Variants in TAP2 observed in about 807,000 individuals in gnomAD.
TAP2 encodes the protein transporter 2, ATP binding cassette subfamily B member.
Under a neutral mutation model 74.7 loss-of-function variants are expected in TAP2, and 49 were observed. The observed-to-expected ratio is 0.66, with a 90% CI of 0.52 to 0.83. TAP2 has a LOEUF of 0.83. TAP2 is among the 40% of genes least tolerant of loss of function. The pLI is 0.00. For synonymous variants in TAP2, 306 were observed against 368.4 expected (o/e 0.83, Z 1.94); for missense variants, 739 against 859.0 (o/e 0.86, Z 1.75).
intron 3 of TAP2, among the ~76,000 whole-genome samples, chr6:32,836,151 C>T (rs1361968739): frequency 1.3e-5 from 2 of 152,174 alleles, no homozygotes; most frequent in Admixed American, 6.5e-5. Context: ...TCCCTCTGTG[C>T]GTCTCCTCCG....
At chr6:32,822,341 A>G (rs375404770), downstream of TAP2, 11 of 1,470,712 alleles carry the variant, frequency 7.5e-6, no homozygotes, top group African/African-American at 2.8e-5. Context: ...AACAAAAAAA[A>G]CCCCTTGATC....
chr6:32,829,253 C>T (rs986173129), intron 11 of TAP2, 147 bp downstream of exon 11: 2 of 1,446,250 alleles, frequency 1.4e-6, no homozygotes, highest in Non-Finnish European at 1.9e-6. Flanking sequence ...CCTCACACCA[C>T]CGGATTCCAT....
At position 32,828,159 on chromosome 6, in the gene TAP2, G is replaced by T; in HGVS notation, c.*747C>A. ...GCTTCAGTTTCCTCATCTGTAAAATGGGGATAATAACCAACCTCATAGGGT... is the reference window on the plus strand; with the variant it reads ...GCTTCAGTTTCCTCATCTGTAAAATTGGGATAATAACCAACCTCATAGGGT... On this transcript the variant is annotated 3_prime_UTR_variant, in exon 12 of 12. Coordinates refer to ENST00000374897, the MANE Select transcript of TAP2 (RefSeq NM_001290043.2). 1.2e-6 allele frequency: 1 copy of T among 816,370 alleles called. No homozygotes were observed. The highest frequency in any genetic ancestry group is 1.5e-6 in the Non-Finnish European group (1 of 676,430). 50.6% of individuals were successfully genotyped at this position (816,370 alleles called of 1,614,324 possible). A position where few individuals can be genotyped will look rare whatever the true frequency, so the allele number is the denominator to read the frequency against.
Position 32,827,312 on chromosome 6 carries a change from G to C in TAP2, c.*1594C>G. ...GGGCAGGGAGGATTAAGATTAGTAC[G>C]ATGGTGGAGATATTTATTCATTTAT... On this transcript the variant is annotated 3_prime_UTR_variant, in exon 12 of 12. Coordinates refer to ENST00000374897, the MANE Select transcript of TAP2 (RefSeq NM_001290043.2). The C allele has an allele frequency of 1.0e-6, 1 of 985,376 alleles. No individual in the cohort carries two copies. The highest frequency in any genetic ancestry group is 1.2e-6 in the Non-Finnish European group (1 of 829,884). The allele number at this position is 985,376 out of a possible 1,614,324, so 61.0% of individuals were successfully genotyped here.
chr6:32,827,700 A>G lies in TAP2; in HGVS notation c.*1206T>C. ...AGAAGTTTGTCGTGGAGCTGGATAC[A>G]ACAGGAGAGGGTGAGACAGATGGGC... On this transcript the variant is annotated 3_prime_UTR_variant, in exon 12 of 12. Transcript: ENST00000374897. The G allele has an allele frequency of 1.0e-6, 1 of 953,444 alleles. No homozygotes were observed. Among genetic ancestry groups the G allele is most frequent in the Non-Finnish European group, 1.2e-6 (1 of 801,390 alleles). The allele number at this position is 953,444 out of a possible 1,614,324, so 59.1% of individuals were successfully genotyped here.
At position 32,828,684 on chromosome 6, in the gene TAP2, C is replaced by CCACCACACCA; in HGVS notation, c.*221_*222insTGGTGTGGTG. On this transcript the variant is annotated 3_prime_UTR_variant, in exon 12 of 12. Transcript: ENST00000374897. ...TTCCTGGACACAGACAGCCCCCACC[C>CCACCACACCA]CACCCCACCCCACCTCTCTACCCCA... 6.0e-6 allele frequency: 6 copies of CCACCACACCA among 994,486 alleles called. No homozygotes were observed. The highest frequency in any genetic ancestry group is 7.3e-6 in the Non-Finnish European group (6 of 825,826). The allele number at this position is 994,486 out of a possible 1,614,324, so 61.6% of individuals were successfully genotyped here. A position where few individuals can be genotyped will look rare whatever the true frequency, so the allele number is the denominator to read the frequency against.
At chr6:32,838,339 C>T (rs1769580481) in intron 1 of TAP2, 102 bp from the exon 2 acceptor site, 1 of 1,429,866 alleles carries the variant, frequency 7.0e-7, no homozygotes, top group East Asian at 2.4e-5. Flanking sequence ...ATCGGCTTCT[C>T]ATTTTATCCT....
Position 32,826,642 on chromosome 6 carries a change from C to G in TAP2, c.*2264G>C. ...CTGAGATAAGAAACTTTCAGGACAT[C>G]TTAAGGTCTACTGCATCTTCCTGTA... On this transcript the variant is annotated 3_prime_UTR_variant, in exon 12 of 12. Coordinates refer to ENST00000374897, the MANE Select transcript of TAP2 (RefSeq NM_001290043.2). The G allele has an allele frequency of 1.0e-6, 1 of 985,462 alleles. No individual in the cohort carries two copies. 61.0% of individuals were successfully genotyped at this position (985,462 alleles called of 1,614,324 possible). A position where few individuals can be genotyped will look rare whatever the true frequency, so the allele number is the denominator to read the frequency against.
At chr6:32,829,190 G>A (rs241446) in intron 11 of TAP2, among the ~76,000 whole-genome samples, 156 bp from the exon 12 acceptor site, 40,193 of 152,054 alleles carry the variant, frequency 0.26, 5,632 homozygotes, top group South Asian at 0.4. Flanking sequence ...CTTCTCTCCC[G>A]GCTGTACTGC....
chr6:32,835,673 C>A lies in TAP2; in HGVS notation c.709G>T (p.Asp237Tyr). 1 of 1,613,076 alleles carries A rather than the reference C, an allele frequency of 6.2e-7. No homozygotes were observed. Among genetic ancestry groups the A allele is most frequent in the Non-Finnish European group, 8.5e-7 (1 of 1,180,032 alleles). ...TTAGTCTCCTGGAAGAAACCGAGGT[C>A]CTGGCGCAGCAGGGAGGAGAAAAGC... ...EQLFSSLLRQ[D>Y]LGFFQETKTG... The change falls in exon 4 of 12, where the codon GAC (aspartate) becomes TAC (tyrosine). Residue 237 changes from aspartate (D) to tyrosine (Y), a missense_variant. By Grantham distance (160) the Asp-to-Tyr change is radical. Coordinates refer to ENST00000374897, the MANE Select transcript of TAP2 (RefSeq NM_001290043.2). This position sits in a 1 kb window ranked among gnomAD's most constrained non-coding sequence, Gnocchi z 4.0.
Position 32,830,399 on chromosome 6 carries a change from C to A in TAP2, c.1503G>T (p.Leu501=). Residue 501 remains leucine (L), a synonymous_variant, in exon 9 of 12, where the codon CTG becomes CTT. Coordinates refer to ENST00000374897, the MANE Select transcript of TAP2 (RefSeq NM_001290043.2). ...TCTTCCCAGACCCATTGGGTCCCAC[C>A]AGCGCCGTCACCTCACCAGGACGTA... ...FTLRPGEVTA[L]VGPNGSGKST... is the part of the protein sequence containing the mutation. 2 of 1,612,996 alleles carry A rather than the reference C, an allele frequency of 1.2e-6. No homozygotes were observed. The highest frequency in any genetic ancestry group is 1.7e-6 in the Non-Finnish European group (2 of 1,180,016).
In TAP2 at chr6:32,835,494, A is replaced by T; in HGVS notation, c.740-135T>A. The stretch of plus-strand genomic sequence containing the variant: ...TCCTTCACTTGCAGAGGGACAGTGG[A>T]GGCTGCTTCTCCACCCTGTCCCAAA... On this transcript the variant is annotated intron_variant, in intron 4 of 11. Transcript: ENST00000374897. This position sits in a 1 kb window ranked among gnomAD's most constrained non-coding sequence, Gnocchi z 4.0. The T allele has an allele frequency of 7.0e-7, 1 of 1,432,086 alleles. No individual in the cohort carries two copies. Among genetic ancestry groups the T allele is most frequent in the Non-Finnish European group, 9.7e-7 (1 of 1,031,838 alleles). 88.7% of individuals were successfully genotyped at this position (1,432,086 alleles called of 1,614,324 possible).
chr6:32,832,944 C>T lies in TAP2; in HGVS notation c.946-120G>A, dbSNP rs1409876178. 21 of 1,047,958 alleles carry T rather than the reference C, an allele frequency of 2.0e-5. No individual in the cohort carries two copies. Among genetic ancestry groups the T allele is most frequent in the Non-Finnish European group, 2.9e-5 (20 of 701,692 alleles). The allele number at this position is 1,047,958 out of a possible 1,614,324, so 64.9% of individuals were successfully genotyped here. On this transcript the variant is annotated intron_variant, in intron 5 of 11. Coordinates refer to ENST00000374897, the MANE Select transcript of TAP2 (RefSeq NM_001290043.2). The surrounding 1 kb of genome is among the most constrained non-coding windows in gnomAD (Gnocchi z 5.9). ...TAAAAATACCAAACTGTTTCTCTCCCTCTTCCTTACTCTTCTTTCCAGAAG... is the reference window on the plus strand; with the variant it reads ...TAAAAATACCAAACTGTTTCTCTCCTTCTTCCTTACTCTTCTTTCCAGAAG...
downstream of TAP2, among the ~76,000 whole-genome samples, chr6:32,824,400 T>C (rs1449212684): frequency 6.6e-6 from 1 of 152,166 alleles, no homozygotes; most frequent in African/African-American, 2.4e-5. Context: ...GGTTTTGATT[T>C]AACATTTTCA....
In TAP2 at chr6:32,837,589, G is replaced by C. The variant is rs774252827; in HGVS notation, c.556C>G (p.Pro186Ala). The C allele has an allele frequency of 3.7e-6, 6 of 1,613,892 alleles. No homozygotes were observed. In the African/African-American group the frequency reaches 6.7e-5, roughly 18 times the overall value. The change falls in exon 3 of 12, where the codon CCC becomes GCC. Residue 186 changes from proline to alanine, a missense_variant. By Grantham distance (27) the Pro-to-Ala change is conservative (BLOSUM62 -1). Coordinates refer to ENST00000374897, the MANE Select transcript of TAP2 (RefSeq NM_001290043.2). ...VIDILGGDFDPHAFASAIFFM... is the reference protein window; with the variant it reads ...VIDILGGDFDAHAFASAIFFM... ...AAGATGGCACTGGCAAAGGCATGGGGGTCAAAATCACCTCCCAGGATGTCA... is the reference window on the plus strand; with the variant it reads ...AAGATGGCACTGGCAAAGGCATGGGCGTCAAAATCACCTCCCAGGATGTCA...
chr6:32,827,600 AAAATC>A lies in TAP2; in HGVS notation c.*1301_*1305del, dbSNP rs1294437859. 2 of 527,980 alleles carry A rather than the reference AAAATC, an allele frequency of 3.8e-6. No individual in the cohort carries two copies. The highest frequency in any genetic ancestry group is 1.5e-4 in the East Asian group (1 of 6,610). The allele number at this position is 527,980 out of a possible 1,614,324, so 32.7% of individuals were successfully genotyped here. A position where few individuals can be genotyped will look rare whatever the true frequency, so the allele number is the denominator to read the frequency against. On this transcript the variant is annotated 3_prime_UTR_variant, in exon 12 of 12. Coordinates refer to ENST00000374897, the MANE Select transcript of TAP2 (RefSeq NM_001290043.2). ...AACCCTGAGTTAAGTCTTGAACTTG[AAAATC>A]AGGGGCGAGTCGAGCAGAAAATGGG... is the stretch of plus-strand genomic sequence containing the variant.
rs1562322925 is a variant in TAP2, at chr6:32,828,834, G to A, written c.*72C>T. Reference sequence around the variant, plus strand: ...GGTCCTGGAGACGCCCCTGAGAAGAGGGCCCAGTATCCCTGGGGCCTCAGT... The same window carrying A: ...GGTCCTGGAGACGCCCCTGAGAAGAAGGCCCAGTATCCCTGGGGCCTCAGT... On this transcript the variant is annotated 3_prime_UTR_variant, in exon 12 of 12. Transcript: ENST00000374897. The A allele has an allele frequency of 2.0e-6, 3 of 1,505,634 alleles. No individual in the cohort carries two copies. Among genetic ancestry groups the A allele is most frequent in the Non-Finnish European group, 2.7e-6 (3 of 1,120,208 alleles). 93.3% of individuals were successfully genotyped at this position (1,505,634 alleles called of 1,614,324 possible).
In TAP2 at chr6:32,827,955, T is replaced by A. The variant is rs73738936; in HGVS notation, c.*951A>T. On this transcript the variant is annotated 3_prime_UTR_variant, in exon 12 of 12. Coordinates refer to ENST00000374897, the MANE Select transcript of TAP2 (RefSeq NM_001290043.2). ...GGACTGGAGAGAAGAGAATAGATTC[T>A]GAATTATTTAGAGCTAAGAGCAGCA... 2.4e-3 allele frequency: 2,410 copies of A among 985,058 alleles called. 27 individuals are homozygous for A. In the African/African-American group the frequency reaches 0.033, roughly 14 times the overall value. The allele number at this position is 985,058 out of a possible 1,614,324, so 61.0% of individuals were successfully genotyped here. A position where few individuals can be genotyped will look rare whatever the true frequency, so the allele number is the denominator to read the frequency against.
chr6:32,835,288 G>A lies in TAP2; in HGVS notation c.811C>T (p.Leu271Phe). 1 of 1,613,100 alleles carries A rather than the reference G, an allele frequency of 6.2e-7. No individual in the cohort carries two copies. Among genetic ancestry groups the A allele is most frequent in the Non-Finnish European group, 8.5e-7 (1 of 1,180,026 alleles). Residue 271 changes from leucine (L) to phenylalanine (F), a missense_variant, in exon 5 of 12, where the codon CTC becomes TTC. By Grantham distance (22) the Leu-to-Phe change is conservative. Coordinates refer to ENST00000374897, the MANE Select transcript of TAP2 (RefSeq NM_001290043.2). The surrounding 1 kb of genome is among the most constrained non-coding windows in gnomAD (Gnocchi z 4.0). The stretch of plus-strand genomic sequence containing the variant: ...ACCACTTTCACCAGGCTTCGCAAGA[G>A]CACATTGGCATTTAAAGGAAGCCAG... The part of the protein sequence containing the change: ...SNWLPLNANV[L>F]LRSLVKVVGL...
Sources: gnomAD v4.1 joint callset for allele counts (sites outside exome capture counted in the v4.1 genomes callset) on GRCh38, gnomAD v4.1.1 for gene constraint, Gnocchi (gnomAD v3.1) non-coding constraint, MANE v1.5 for transcripts, NCBI Gene and HGNC (gene_info 2026-07-23, HGNC 2026-07-21) for gene names.